The following GHR variants were observed in gnomAD, a reference collection of about 807,000 sequenced individuals.
The protein encoded by GHR is growth hormone receptor.
Under a neutral mutation model 67.1 loss-of-function variants are expected in GHR, and 35 were observed. The ratio of observed to expected loss-of-function variants is 0.52; its 90% CI spans 0.40 to 0.69. GHR has a LOEUF of 0.69. Ranked by LOEUF, GHR falls within the 30% of genes least tolerant of loss-of-function variation. GHR has a pLI of 0.00. For synonymous variants in GHR, 272 were observed against 269.1 expected (o/e 1.01, Z -0.10); for missense variants, 792 against 764.6 (o/e 1.04, Z -0.42).
intron 1 of GHR, among the ~76,000 whole-genome samples, chr5:42,444,362 G>A (rs1743718541): frequency 6.6e-6 from 1 of 152,182 alleles, no homozygotes; most frequent in African/African-American, 2.4e-5. Flanking sequence ...GTAGTAAAAA[G>A]CCATGAGCAG....
At chr5:42,690,921 A>C (rs755491950) in intron 4 of GHR, among the ~76,000 whole-genome samples, 24 of 152,226 alleles carry the variant, frequency 1.6e-4, no homozygotes, top group Non-Finnish European at 3.4e-4. Flanking sequence ...ACTGTAAAGA[A>C]AAGTAGCAGA....
At chr5:42,582,961 G>A (rs935773684) in intron 2 of GHR, among the ~76,000 whole-genome samples, 5 of 152,272 alleles carry the variant, frequency 3.3e-5, no homozygotes, top group Middle Eastern at 3.4e-3. Context: ...ATTGCTCCAC[G>A]CCTGGCTTGC....
intron 1 of GHR, among the ~76,000 whole-genome samples, chr5:42,482,108 C>A (rs969538499): frequency 2.0e-5 from 3 of 152,150 alleles, no homozygotes; most frequent in African/African-American, 7.2e-5. Context: ...CAGACAGGAC[C>A]CTCAGCTGCA....
intron 1 of GHR, among the ~76,000 whole-genome samples, chr5:42,430,342 C>T (rs771251754): frequency 8.5e-5 from 13 of 152,120 alleles, no homozygotes; most frequent in Non-Finnish European, 1.6e-4. Context: ...ACAGCATTGT[C>T]TTCCTGCACA....
chr5:42,472,920 G>A (rs1409846085), intron 1 of GHR, among the ~76,000 whole-genome samples: 4 of 152,110 alleles, frequency 2.6e-5, no homozygotes, highest in Admixed American at 1.3e-4. Flanking sequence ...ACCTCCCTTA[G>A]GTTGGTTACT....
At chr5:42,686,921 A>G (rs977014422) in intron 3 of GHR, among the ~76,000 whole-genome samples, 2 of 152,232 alleles carry the variant, frequency 1.3e-5, no homozygotes, top group Non-Finnish European at 2.9e-5. Context: ...TTGTATATTT[A>G]GAAAACCCCA....
chr5:42,617,013 GC>G (rs1157486658), intron 2 of GHR, among the ~76,000 whole-genome samples: 1 of 152,012 alleles, frequency 6.6e-6, no homozygotes, highest in African/African-American at 2.4e-5. Context: ...AGTAGAGACA[GC>G]CATTCAGACA....
intron 1 of GHR, chr5:42,548,084 T>G (rs1400317323): frequency 1.0e-6 from 1 of 985,320 alleles, no homozygotes; most frequent in Non-Finnish European, 1.2e-6. Context: ...GTAATAGGCC[T>G]CATGAGACTC....
At chr5:42,586,791 C>T (rs772433244) in intron 2 of GHR, among the ~76,000 whole-genome samples, 1 of 152,054 alleles carries the variant, frequency 6.6e-6, no homozygotes, top group East Asian at 1.9e-4. Flanking sequence ...TACGTCTGAG[C>T]CAGAGGGCTG....
At chr5:42,683,594 G>C (rs1254768148) in intron 3 of GHR, among the ~76,000 whole-genome samples, 1 of 152,010 alleles carries the variant, frequency 6.6e-6, no homozygotes, top group African/African-American at 2.4e-5. Flanking sequence ...GCTACTTTAG[G>C]GGCTGTCTGC....
intron 3 of GHR, among the ~76,000 whole-genome samples, chr5:42,670,742 G>A (rs1309558983): frequency 1.3e-5 from 2 of 151,706 alleles, no homozygotes; most frequent in African/African-American, 4.8e-5. Context: ...GCTAGATGAC[G>A]AGTTAGTGGG....
At chr5:42,612,821 A>G (rs757304458) in intron 2 of GHR, among the ~76,000 whole-genome samples, 1 of 152,096 alleles carries the variant, frequency 6.6e-6, no homozygotes, top group South Asian at 2.1e-4. Flanking sequence ...AGAGATTTCA[A>G]TCTGACTCCA....
intron 3 of GHR, among the ~76,000 whole-genome samples, chr5:42,640,055 T>C (rs1754388850): frequency 1.3e-5 from 2 of 152,202 alleles, no homozygotes; most frequent in Non-Finnish European, 2.9e-5. Context: ...GTAACCTAAC[T>C]GCCTTCTCAA....
intron 1 of GHR, among the ~76,000 whole-genome samples, chr5:42,450,423 A>G (rs1355116572): frequency 6.6e-6 from 1 of 152,164 alleles, no homozygotes; most frequent in African/African-American, 2.4e-5. Flanking sequence ...ATAGGTGTTT[A>G]TAATAGCCTT....
chr5:42,689,495 C>T (rs1026954915), intron 4 of GHR, among the ~76,000 whole-genome samples: 7 of 152,012 alleles, frequency 4.6e-5, no homozygotes, highest in South Asian at 2.1e-4. Context: ...TGCTGAAATG[C>T]GTGGTCCTAG....
chr5:42,565,758 C>A, intron 1 of GHR, 106 bp from the exon 2 acceptor site: 1 of 1,599,178 alleles, frequency 6.3e-7, no homozygotes, highest in Non-Finnish European at 8.5e-7. Flanking sequence ...CCTTCTGGAA[C>A]TGACTCGTCA....
At chr5:42,427,692 A>T (rs1014962715) in intron 1 of GHR, among the ~76,000 whole-genome samples, 29 of 152,192 alleles carry the variant, frequency 1.9e-4, no homozygotes, top group African/African-American at 6.8e-4. Flanking sequence ...TCTCACCTGA[A>T]CCAAGGCAAG....
At chr5:42,626,332 C>T (rs961448311) in intron 2 of GHR, among the ~76,000 whole-genome samples, 5 of 152,130 alleles carry the variant, frequency 3.3e-5, no homozygotes, top group African/African-American at 1.2e-4. Context: ...AATTGGTGTT[C>T]CCACAACCTC....
At chr5:42,581,709 G>A (rs1751178700) in intron 2 of GHR, among the ~76,000 whole-genome samples, 1 of 152,198 alleles carries the variant, frequency 6.6e-6, no homozygotes, top group African/African-American at 2.4e-5. Flanking sequence ...GATGCCGGCT[G>A]TAGTGGGGGA....
Sources: gnomAD v4.1 joint callset for allele counts (sites outside exome capture counted in the v4.1 genomes callset) on GRCh38, gnomAD v4.1.1 for gene constraint, MANE v1.5 for transcripts, NCBI Gene and HGNC (gene_info 2026-07-23, HGNC 2026-07-21) for gene names.